BICC1: variants seen among roughly 807,000 people sequenced by gnomAD.
BICC1 encodes BicC family RNA binding protein 1, also known as protein bicaudal C homolog 1.
Under a neutral mutation model 111.0 loss-of-function variants are expected in BICC1, and 43 were observed. That is an observed-to-expected ratio of 0.39 (90% confidence interval 0.30 to 0.50). BICC1 has a LOEUF of 0.50. Among genes scored for constraint, BICC1 ranks in the 20% least tolerant of loss-of-function variants. The pLI is 0.88. For synonymous variants in BICC1, 467 were observed against 434.4 expected (o/e 1.07, Z -0.93); for missense variants, 1,091 against 1,203.2 (o/e 0.91, Z 1.38).
At chr10:58,652,247 C>T (rs1186103957) in intron 2 of BICC1, among the ~76,000 whole-genome samples, 1 of 151,956 alleles carries the variant, frequency 6.6e-6, no homozygotes, top group Non-Finnish European at 1.5e-5. Flanking sequence ...AATAGACCCT[C>T]AAAAAGAAAA....
chr10:58,536,812 A>T (rs1414290447), intron 1 of BICC1, among the ~76,000 whole-genome samples: 1 of 151,744 alleles, frequency 6.6e-6, no homozygotes, highest in Admixed American at 6.6e-5. Flanking sequence ...AGCTAGATTA[A>T]CCAAGAAAAG....
intron 1 of BICC1, among the ~76,000 whole-genome samples, chr10:58,575,057 A>G (rs1844069213): frequency 6.6e-6 from 1 of 151,838 alleles, no homozygotes. Context: ...ATACATGTGC[A>G]GAACGTGCAG....
chr10:58,601,218 T>C (rs989767863), intron 1 of BICC1, among the ~76,000 whole-genome samples: 22 of 143,428 alleles, frequency 1.5e-4, no homozygotes, highest in Admixed American at 1.5e-3. Flanking sequence ...ATAATCATAC[T>C]CTTCCCTGGC....
intron 2 of BICC1, among the ~76,000 whole-genome samples, chr10:58,644,899 C>T (rs969982082): frequency 6.6e-6 from 1 of 152,002 alleles, no homozygotes; most frequent in African/African-American, 2.4e-5. Context: ...TATTTTAAGT[C>T]AGAGCTGGGG....
chr10:58,553,065 C>T (rs1418087178), intron 1 of BICC1, among the ~76,000 whole-genome samples: 1 of 152,092 alleles, frequency 6.6e-6, no homozygotes, highest in Admixed American at 6.6e-5. Context: ...AAATTGACCC[C>T]CATAGGGCTT....
chr10:58,679,974 G>A (rs774132572), intron 2 of BICC1, among the ~76,000 whole-genome samples: 3 of 152,098 alleles, frequency 2.0e-5, no homozygotes, highest in Non-Finnish European at 2.9e-5. Flanking sequence ...AAAGGCCTTC[G>A]ATAAAATTCA....
intron 1 of BICC1, among the ~76,000 whole-genome samples, chr10:58,521,771 T>G (rs1284009187): frequency 1.9e-4 from 3 of 15,468 alleles, no homozygotes; most frequent in Non-Finnish European, 3.3e-4. Context: ...ATGTGGTGTT[T>G]TTTTTTTTTT....
At chr10:58,591,014 C>T (rs1844598018) in intron 1 of BICC1, among the ~76,000 whole-genome samples, 1 of 152,196 alleles carries the variant, frequency 6.6e-6, no homozygotes, top group African/African-American at 2.4e-5. Flanking sequence ...CCTCCCTTCC[C>T]TCAAAGGCCT....
chr10:58,808,062 A>G (rs1206021416), intron 17 of BICC1, among the ~76,000 whole-genome samples: 1 of 148,452 alleles, frequency 6.7e-6, no homozygotes, highest in Non-Finnish European at 1.5e-5. Flanking sequence ...GAAACACAAA[A>G]GCAAACATGC....
intron 2 of BICC1, among the ~76,000 whole-genome samples, chr10:58,656,217 A>C (rs1838642508): frequency 1.3e-5 from 2 of 151,816 alleles, no homozygotes; most frequent in African/African-American, 4.8e-5. Flanking sequence ...ATTGTTTACC[A>C]ACCAAAAAGA....
At chr10:58,688,365 G>A (rs1839808262) in intron 2 of BICC1, among the ~76,000 whole-genome samples, 1 of 152,092 alleles carries the variant, frequency 6.6e-6, no homozygotes, top group African/African-American at 2.4e-5. Context: ...ACTGATTGGT[G>A]CGTTTTTACA....
rs1330143755 is a variant in BICC1, at chr10:58,813,839, A to G, written c.2386A>G (p.Met796Val). 3 of 1,613,874 alleles carry G rather than the reference A, an allele frequency of 1.9e-6. No individual in the cohort carries two copies. Among genetic ancestry groups the G allele is most frequent in the South Asian group, 1.1e-5 (1 of 91,066 alleles). The change falls in exon 18 of 21, where the codon ATG becomes GTG. Residue 796 changes from methionine to valine, a missense_variant. Met to Val is a conservative substitution (Grantham distance 21, BLOSUM62 1). Coordinates refer to ENST00000373886, the MANE Select transcript of BICC1 (RefSeq NM_001080512.3). ...CTTTGTCTGTTTACAGGGCTCATCC[A>G]TGTCCCTTTCACGGTCCAACAGTCG... ...TMTTTYEGSSMSLSRSNSREH... is the reference protein window; with the variant it reads ...TMTTTYEGSSVSLSRSNSREH...
chr10:58,611,139 A>ATCT (rs1175899410), intron 1 of BICC1, among the ~76,000 whole-genome samples: 19 of 152,380 alleles, frequency 1.2e-4, no homozygotes, highest in Admixed American at 8.5e-4. Flanking sequence ...ATGCTGTGAC[A>ATCT]GACCAGTAAT....
chr10:58,697,433 G>A (rs1840095542), intron 2 of BICC1, among the ~76,000 whole-genome samples: 1 of 152,098 alleles, frequency 6.6e-6, no homozygotes, highest in South Asian at 2.1e-4. Flanking sequence ...GTTTTGTGAA[G>A]GTGCAAATAG....
intron 2 of BICC1, among the ~76,000 whole-genome samples, chr10:58,624,748 C>T (rs890647097): frequency 1.3e-5 from 2 of 152,080 alleles, no homozygotes; most frequent in Admixed American, 1.3e-4. Flanking sequence ...CATGCGCCAC[C>T]ACGCCCAGTT....
At chr10:58,823,355 A>G in intron 20 of BICC1, 1 of 985,336 alleles carries the variant, frequency 1.0e-6, no homozygotes, top group Non-Finnish European at 1.2e-6. Flanking sequence ...ATATTAGAGG[A>G]GTTTGCCTTA....
At chr10:58,681,411 A>G (rs1230781955) in intron 2 of BICC1, among the ~76,000 whole-genome samples, 1 of 152,252 alleles carries the variant, frequency 6.6e-6, no homozygotes, top group Admixed American at 6.5e-5. Context: ...AAAAAAGCTC[A>G]TCATCACTGG....
intron 2 of BICC1, among the ~76,000 whole-genome samples, chr10:58,647,555 A>AT (rs1271347333): frequency 6.6e-6 from 1 of 152,048 alleles, no homozygotes; most frequent in Non-Finnish European, 1.5e-5. Flanking sequence ...AGAGTGAGTG[A>AT]TTTTTTTCCC....
At chr10:58,758,611 T>C (rs934846573) in intron 3 of BICC1, among the ~76,000 whole-genome samples, 1 of 152,222 alleles carries the variant, frequency 6.6e-6, no homozygotes, top group African/African-American at 2.4e-5. Context: ...AGTAATTCTA[T>C]TTCAACCCTG....
Sources: allele counts gnomAD v4.1 joint callset (sites outside exome capture counted in the v4.1 genomes callset), GRCh38; gene constraint gnomAD v4.1.1; transcripts MANE v1.5; gene names NCBI Gene and HGNC (gene_info 2026-07-23, HGNC 2026-07-21).